CBL: variants seen among roughly 807,000 people sequenced by gnomAD.
The protein encoded by CBL is E3 ubiquitin-protein ligase CBL.
In CBL, 45 loss-of-function variants were observed where a neutral mutation model predicts 96.9. That is an observed-to-expected ratio of 0.46 (90% CI 0.37 to 0.60). The LOEUF (loss-of-function observed/expected upper bound fraction) is 0.60. Ranked by LOEUF, CBL falls within the 20% of genes least tolerant of loss-of-function variation. The pLI is 0.00. For synonymous variants in CBL, 420 were observed against 426.8 expected (o/e 0.98, Z 0.20); for missense variants, 1,024 against 1,143.5 (o/e 0.90, Z 1.51).
chr11:119,217,085 A>C (rs1160840225), intron 1 of CBL, among the ~76,000 whole-genome samples: 1 of 152,222 alleles, frequency 6.6e-6, no homozygotes, highest in Non-Finnish European at 1.5e-5. Flanking sequence ...ACTGAGATTC[A>C]GATAGATTAA....
chr11:119,228,058 C>CT (rs967696815), intron 1 of CBL, among the ~76,000 whole-genome samples: 117 of 145,940 alleles, frequency 8.0e-4, no homozygotes, highest in Non-Finnish European at 1.1e-3. Context: ...TATGCTCACT[C>CT]TTTTTTTTTT....
chr11:119,236,339 G>A (rs963757208), intron 2 of CBL, among the ~76,000 whole-genome samples: 2 of 151,680 alleles, frequency 1.3e-5, no homozygotes, highest in Non-Finnish European at 2.9e-5. Flanking sequence ...GTGGCCTTTT[G>A]TGGTTTTTTT....
chr11:119,271,813 T>G lies in CBL; in HGVS notation c.522T>G (p.Phe174Leu). ...AAGGAATCTTTCCAAGTGGACTCTT[T>G]CAGGGAGACACATTTCGGATTACTA... ...ELKGIFPSGL[F>L]QGDTFRITKA... Residue 174 changes from phenylalanine to leucine, a missense_variant, in exon 3 of 16, where the codon TTT becomes TTG. Physicochemically the swap from Phe to Leu is conservative, Grantham distance 22. Transcript: ENST00000264033. 1 of 1,614,064 alleles carries G rather than the reference T, an allele frequency of 6.2e-7. No homozygotes were observed. The highest frequency in any genetic ancestry group is 8.5e-7 in the Non-Finnish European group (1 of 1,179,952).
In CBL at chr11:119,276,025, C is replaced by T. The variant is rs771326694; in HGVS notation, c.898C>T (p.Leu300=). 41 of 1,613,956 alleles carry T rather than the reference C, an allele frequency of 2.5e-5. No homozygotes were observed. The highest frequency in any genetic ancestry group is 3.5e-5 in the Non-Finnish European group (41 of 1,179,950). ...TATCTTCCGGCTGAGCTGTACTCGTCTGGGTCAGTGGGCTATTGGGTATGT... is the reference window on the plus strand; with the variant it reads ...TATCTTCCGGCTGAGCTGTACTCGTTTGGGTCAGTGGGCTATTGGGTATGT... ...SYIFRLSCTR[L]GQWAIGYVTA... Residue 300 remains leucine (L), a synonymous_variant, in exon 6 of 16, where the codon CTG becomes TTG. Coordinates refer to ENST00000264033, the MANE Select transcript of CBL (RefSeq NM_005188.4).
intron 2 of CBL, among the ~76,000 whole-genome samples, chr11:119,260,378 C>T (rs1949745776): frequency 1.3e-5 from 2 of 151,604 alleles, no homozygotes; most frequent in Admixed American, 1.3e-4. Flanking sequence ...CGAGTAGCTG[C>T]GACTACAGGC....
At chr11:119,290,403 C>T (rs1950016802) in intron 12 of CBL, among the ~76,000 whole-genome samples, 1 of 150,424 alleles carries the variant, frequency 6.6e-6, no homozygotes, top group Non-Finnish European at 1.5e-5. Flanking sequence ...ACCTGTAATC[C>T]CAGCACTTTG....
intron 1 of CBL, among the ~76,000 whole-genome samples, chr11:119,218,434 G>C (rs1041567963): frequency 6.6e-6 from 1 of 152,192 alleles, no homozygotes; most frequent in Non-Finnish European, 1.5e-5. Flanking sequence ...ATTTACAGTA[G>C]TCCCTTCATA....
At chr11:119,243,670 T>C (rs528247234) in intron 2 of CBL, among the ~76,000 whole-genome samples, 1 of 151,884 alleles carries the variant, frequency 6.6e-6, no homozygotes, top group African/African-American at 2.4e-5. Flanking sequence ...ATAACAACGG[T>C]AAGTATTAGA....
chr11:119,256,097 TAATG>T (rs1351327513), intron 2 of CBL, among the ~76,000 whole-genome samples: 1 of 151,902 alleles, frequency 6.6e-6, no homozygotes, highest in Non-Finnish European at 1.5e-5. Context: ...GTGAATAAAT[TAATG>T]AACGTTATTG....
chr11:119,249,818 G>C (rs1224341919), intron 2 of CBL, among the ~76,000 whole-genome samples: 1 of 151,790 alleles, frequency 6.6e-6, no homozygotes, highest in Non-Finnish European at 1.5e-5. Flanking sequence ...CTACCATACA[G>C]ACTAACTTAT....
intron 1 of CBL, among the ~76,000 whole-genome samples, chr11:119,214,204 A>C (rs10790287): frequency 6.6e-6 from 1 of 151,472 alleles, no homozygotes; most frequent in African/African-American, 2.4e-5. Context: ...TGGCCTCCCA[A>C]AGTGCTGGGA....
rs2135299151 is a variant in CBL at position 119,274,029 on chromosome 11, G to A, written c.747+5G>A. On this transcript the variant is annotated splice_donor_5th_base_variant and intron_variant, in intron 4 of 15. Transcript: ENST00000264033. ...ATCTTTACCCGACTCTTTCAGGTAG[G>A]ACACTAAAAAAGTTGACTAAACTGG... The A allele has an allele frequency of 6.2e-7, 1 of 1,610,612 alleles. No homozygotes were observed. The highest frequency in any genetic ancestry group is 8.5e-7 in the Non-Finnish European group (1 of 1,178,366).
chr11:119,225,172 C>T (rs1392238856), intron 1 of CBL, among the ~76,000 whole-genome samples: 1 of 152,010 alleles, frequency 6.6e-6, no homozygotes, highest in African/African-American at 2.4e-5. Context: ...TCTCGGCTCA[C>T]TGCAACCTCC....
At position 119,296,875 on chromosome 11, in the gene CBL, G is replaced by C. The variant is rs867309347; in HGVS notation, c.2037-43G>C. 3.1e-6 allele frequency: 3 copies of C among 979,610 alleles called. No homozygotes were observed. In the South Asian group the frequency reaches 3.8e-5, roughly 13 times the overall value. The allele number at this position is 979,610 out of a possible 1,614,324, so 60.7% of individuals were successfully genotyped here. ...TTTATTTTATACTTCAAAGTTTACT[G>C]GTTTGTTACTTCTTTTTCTATTTTT... On this transcript the variant is annotated intron_variant, in intron 12 of 15. Coordinates refer to ENST00000264033, the MANE Select transcript of CBL (RefSeq NM_005188.4).
In CBL at chr11:119,303,565, TA is replaced by T. The variant is rs1950115301; in HGVS notation, c.*3785del. The stretch of plus-strand genomic sequence containing the variant: ...TATTCACAGCTCTTCCATGTAGACT[TA>T]CCTTTCCTCATAGAGCTATCCTGGT... On this transcript the variant is annotated 3_prime_UTR_variant, in exon 16 of 16. Transcript: ENST00000264033. 3 of 233,660 alleles carry T rather than the reference TA, an allele frequency of 1.3e-5. No homozygotes were observed. In the Admixed American group the frequency reaches 1.7e-4, roughly 13 times the overall value. 14.5% of individuals were successfully genotyped at this position (233,660 alleles called of 1,614,324 possible). A position where few individuals can be genotyped will look rare whatever the true frequency, so the allele number is the denominator to read the frequency against.
chr11:119,216,430 G>A (rs1036731184), intron 1 of CBL, among the ~76,000 whole-genome samples: 25 of 151,696 alleles, frequency 1.6e-4, no homozygotes, highest in African/African-American at 5.8e-4. Flanking sequence ...GGAGTGCAGT[G>A]GTGCAATCTC....
At chr11:119,273,813 G>A (rs1949866843) in intron 3 of CBL, 55 bp from the exon 4 acceptor site, 2 of 1,491,376 alleles carry the variant, frequency 1.3e-6, no homozygotes, top group Non-Finnish European at 1.9e-6. Flanking sequence ...TTATGGCGAT[G>A]CCTGGAATTA....
intron 2 of CBL, among the ~76,000 whole-genome samples, chr11:119,260,487 G>A (rs1949746472): frequency 6.6e-6 from 1 of 151,942 alleles, no homozygotes; most frequent in African/African-American, 2.4e-5. Flanking sequence ...TGCCTAAATT[G>A]TCTCATCTGT....
Position 119,306,135 on chromosome 11 carries a change from C to T in CBL, c.*6354C>T. ...GATGGGGAAATAGGGATGGGGAGAG[C>T]AAGCCCCGCATGTCCATGGCGAGTC... On this transcript the variant is annotated 3_prime_UTR_variant, in exon 16 of 16. Coordinates refer to ENST00000264033, the MANE Select transcript of CBL (RefSeq NM_005188.4). 1 of 396,912 alleles carries T rather than the reference C, an allele frequency of 2.5e-6. No individual in the cohort carries two copies. The highest frequency in any genetic ancestry group is 1.4e-4 in the South Asian group (1 of 7,072). The allele number at this position is 396,912 out of a possible 1,614,324, so 24.6% of individuals were successfully genotyped here. A position where few individuals can be genotyped will look rare whatever the true frequency, so the allele number is the denominator to read the frequency against.
Sources: gnomAD v4.1 joint callset for allele counts (sites outside exome capture counted in the v4.1 genomes callset) on GRCh38, gnomAD v4.1.1 for gene constraint, MANE v1.5 for transcripts, NCBI Gene and HGNC (gene_info 2026-07-23, HGNC 2026-07-21) for gene names.